Variants in MYO5B observed in about 807,000 individuals in gnomAD.
MYO5B encodes the protein myosin VB.
In MYO5B, 143 loss-of-function variants were observed where a neutral mutation model predicts 229.3. That is an observed-to-expected ratio of 0.62 (90% CI 0.54 to 0.72). MYO5B has a LOEUF of 0.72. Among genes scored for constraint, MYO5B ranks in the 30% least tolerant of loss-of-function variants. MYO5B has a pLI of 0.00. For missense variants in MYO5B, 2,321 were observed against 2,331.0 expected (o/e 1.00, Z 0.09); for synonymous variants, 918 against 885.2 (o/e 1.04, Z -0.66).
chr18:50,052,845 C>T (rs1263659246), intron 2 of MYO5B, among the ~76,000 whole-genome samples: 2 of 152,066 alleles, frequency 1.3e-5, no homozygotes, highest in African/African-American at 4.8e-5. Context: ...CAAGAGGGGA[C>T]AAGTTAGCAA....
intron 6 of MYO5B, 60 bp downstream of exon 6, chr18:49,992,228 G>A: frequency 1.9e-6 from 3 of 1,607,744 alleles, no homozygotes; most frequent in Non-Finnish European, 1.7e-6. Flanking sequence ...GGGGCAGGGA[G>A]CAGAAGTAAG....
intron 4 of MYO5B, among the ~76,000 whole-genome samples, chr18:50,029,691 T>C (rs1483210314): frequency 3.3e-5 from 5 of 152,188 alleles, no homozygotes; most frequent in African/African-American, 9.7e-5. Context: ...AGGTTCCTCA[T>C]GACTTCTCAC....
chr18:49,859,568 G>A (rs1422001185), intron 29 of MYO5B, among the ~76,000 whole-genome samples: 2 of 152,292 alleles, frequency 1.3e-5, no homozygotes, highest in East Asian at 3.9e-4. Flanking sequence ...TCTGGGAAAT[G>A]GAAGGCACAC....
chr18:49,841,181 G>A (rs921519029), intron 35 of MYO5B, among the ~76,000 whole-genome samples, 184 bp downstream of exon 35: 10 of 152,156 alleles, frequency 6.6e-5, no homozygotes, highest in Non-Finnish European at 1.3e-4. Flanking sequence ...CCTCCTAGAG[G>A]CAGGTCTCCT....
rs1366718461 is a variant in MYO5B at position 50,188,798 on chromosome 18, A to AC, written c.27+5968_27+5969insG. ...GAGACTCTGTCATAAAAAAAAAAAA[A>AC]AAAAAAAAAAAAAAAAAAACACACA... On this transcript the variant is annotated intron_variant, in intron 1 of 39. Transcript: ENST00000285039. Among the ~76,000 whole-genome samples the AC allele has an allele frequency of 1.7e-4, 22 of 129,792 alleles. No individual in the cohort carries two copies. The Middle Eastern group carries it at 0.013, about 74-fold the overall frequency. The allele number at this position is 129,792 out of a possible 152,430, so 85.1% of individuals were successfully genotyped here.
At chr18:49,828,691 A>G (rs2023877744) in intron 39 of MYO5B, among the ~76,000 whole-genome samples, 1 of 152,250 alleles carries the variant, frequency 6.6e-6, no homozygotes, top group Non-Finnish European at 1.5e-5. Flanking sequence ...AAAATATTAA[A>G]GCCATATGAA....
chr18:49,929,489 C>T (rs765862490), intron 17 of MYO5B, 23 bp downstream of exon 17: 1 of 1,585,944 alleles, frequency 6.3e-7, no homozygotes, highest in Admixed American at 1.7e-5. Flanking sequence ...CCCCAGGAGG[C>T]AGCTGGCGGG....
At chr18:49,919,022 T>A (rs1297832958) in intron 17 of MYO5B, among the ~76,000 whole-genome samples, 2 of 152,214 alleles carry the variant, frequency 1.3e-5, no homozygotes, top group African/African-American at 4.8e-5. Flanking sequence ...CTTGACCTGA[T>A]TACTTAACTT....
intron 1 of MYO5B, among the ~76,000 whole-genome samples, chr18:50,176,942 A>C (rs2033005579): frequency 6.6e-6 from 1 of 152,236 alleles, no homozygotes; most frequent in Non-Finnish European, 1.5e-5. Context: ...AAGTCGTCTT[A>C]AACTATGTTA....
At chr18:49,845,085 G>T (rs1017033544) in intron 33 of MYO5B, among the ~76,000 whole-genome samples, 3 of 152,152 alleles carry the variant, frequency 2.0e-5, no homozygotes, top group Non-Finnish European at 2.9e-5. Flanking sequence ...TGATGGCAGG[G>T]TTTTCTCTGT....
intron 12 of MYO5B, among the ~76,000 whole-genome samples, chr18:49,957,353 C>T (rs931224730): frequency 6.6e-6 from 1 of 152,070 alleles, no homozygotes; most frequent in African/African-American, 2.4e-5. Flanking sequence ...TTAAGGACCC[C>T]AAGGCCAACC....
intron 4 of MYO5B, among the ~76,000 whole-genome samples, chr18:50,005,066 A>G (rs1353054632): frequency 1.3e-5 from 2 of 152,168 alleles, no homozygotes; most frequent in Admixed American, 6.5e-5. Flanking sequence ...TGATTAAGAT[A>G]CCTAGGTCTC....
intron 29 of MYO5B, among the ~76,000 whole-genome samples, chr18:49,860,818 C>T (rs1010490798): frequency 6.6e-6 from 1 of 151,922 alleles, no homozygotes; most frequent in Non-Finnish European, 1.5e-5. Context: ...TATATTTAAA[C>T]AGTAGAACTC....
chr18:49,997,376 T>C (rs1158814131), intron 5 of MYO5B, among the ~76,000 whole-genome samples: 2 of 121,074 alleles, frequency 1.7e-5, no homozygotes, highest in African/African-American at 6.0e-5. Context: ...TTTCTTTTTT[T>C]TTTTTTTTTT....
At chr18:50,007,771 A>G (rs2026118729) in intron 4 of MYO5B, among the ~76,000 whole-genome samples, 2 of 152,210 alleles carry the variant, frequency 1.3e-5, no homozygotes, top group South Asian at 2.1e-4. Context: ...CTCATCGATA[A>G]CTGCTGTTTA....
chr18:50,185,470 C>G (rs555443702), intron 1 of MYO5B, among the ~76,000 whole-genome samples: 2 of 152,144 alleles, frequency 1.3e-5, no homozygotes, highest in Non-Finnish European at 2.9e-5. Flanking sequence ...CAAGAACAAT[C>G]TTTCACAGTA....
At chr18:49,878,094 T>C (rs1255781827) in intron 24 of MYO5B, among the ~76,000 whole-genome samples, 2 of 152,148 alleles carry the variant, frequency 1.3e-5, no homozygotes, top group East Asian at 1.9e-4. Flanking sequence ...CATCTCTTAA[T>C]GAAACGCAAA....
At chr18:50,071,472 A>T (rs1008021510) in intron 1 of MYO5B, among the ~76,000 whole-genome samples, 1 of 152,220 alleles carries the variant, frequency 6.6e-6, no homozygotes, top group Non-Finnish European at 1.5e-5. Flanking sequence ...ACACTCTAGC[A>T]CTATAGATTC....
chr18:49,926,504 C>G (rs1016257427), intron 17 of MYO5B, among the ~76,000 whole-genome samples: 2 of 152,206 alleles, frequency 1.3e-5, no homozygotes, highest in Non-Finnish European at 2.9e-5. Context: ...CTACACTGTT[C>G]AGCTCAGCTC....
Sources: allele counts gnomAD v4.1 joint callset (sites outside exome capture counted in the v4.1 genomes callset), GRCh38; gene constraint gnomAD v4.1.1; transcripts MANE v1.5; gene names NCBI Gene and HGNC (gene_info 2026-07-23, HGNC 2026-07-21).